Variants in NMNAT1 observed in about 807,000 individuals in gnomAD.
NMNAT1 encodes nicotinamide nucleotide adenylyltransferase 1.
A neutral mutation model predicts 16.7 loss-of-function variants in NMNAT1; 11 were observed. The observed-to-expected ratio is 0.66, with a 90% confidence interval of 0.41 to 1.09. NMNAT1 has a LOEUF of 1.09. Among genes scored for constraint, NMNAT1 ranks in the 50% least tolerant of loss-of-function variants. The probability of loss-of-function intolerance (pLI) is 0.00; values close to 1 mark genes in which losing one functional copy is unlikely to be tolerated. For synonymous variants in NMNAT1, 110 were observed against 119.8 expected, an observed-to-expected ratio of 0.92 and a Z score of 0.53; for missense variants, 280 against 332.3, an observed-to-expected ratio of 0.84 and a Z score of 1.22.
chr1:9,968,864 T>C (rs1570700497), intron 1 of NMNAT1, among the ~76,000 whole-genome samples: 1 of 140,900 alleles, frequency 7.1e-6, no homozygotes, highest in Admixed American at 7.5e-5. Context: ...TGCTTGAACC[T>C]GGAAGGCAGA....
chr1:9,963,629 G>A (rs755976688), intron 1 of NMNAT1, among the ~76,000 whole-genome samples: 6 of 151,500 alleles, frequency 4.0e-5, no homozygotes, highest in Admixed American at 1.3e-4. Flanking sequence ...GGCTGGTCTC[G>A]AACTTCTGAC....
chr1:9,979,336 C>T (rs1053503565), intron 3 of NMNAT1, among the ~76,000 whole-genome samples: 6 of 151,998 alleles, frequency 3.9e-5, no homozygotes, highest in South Asian at 2.1e-4. Flanking sequence ...CATGGTGGCA[C>T]GTGCCTGTAG....
chr1:9,955,398 T>C (rs1354011104), intron 1 of NMNAT1, among the ~76,000 whole-genome samples: 4 of 76,426 alleles, frequency 5.2e-5, no homozygotes, highest in African/African-American at 1.5e-4. Context: ...AGCGAGACTT[T>C]GTCTCAAAAA....
At position 9,982,635 on chromosome 1, in the gene NMNAT1, T is replaced by C; in HGVS notation, c.774T>C (p.Ser258=). 1 of 1,613,970 alleles carries C rather than the reference T, an allele frequency of 6.2e-7. No individual in the cohort carries two copies. Among genetic ancestry groups the C allele is most frequent in the Non-Finnish European group, 8.5e-7 (1 of 1,179,976 alleles). ...AGCATAATTTGTACAGCTCTGAGAGTGAAGACAGGAATGCTGGGGTCATCC... is the reference window on the plus strand; with the variant it reads ...AGCATAATTTGTACAGCTCTGAGAGCGAAGACAGGAATGCTGGGGTCATCC... ...IEKHNLYSSE[S]EDRNAGVILA... The change falls in exon 5 of 5, where the codon AGT becomes AGC. Residue 258 remains serine (S), a synonymous_variant. Transcript: ENST00000377205.
At chr1:9,979,595 T>C (rs959908162) in intron 3 of NMNAT1, among the ~76,000 whole-genome samples, 9 of 152,202 alleles carry the variant, frequency 5.9e-5, no homozygotes, top group African/African-American at 2.2e-4. Flanking sequence ...GGTCAGGAGA[T>C]CGAGACCATC....
intron 1 of NMNAT1, among the ~76,000 whole-genome samples, chr1:9,962,536 T>A (rs966832841): frequency 2.0e-5 from 3 of 151,612 alleles, no homozygotes; most frequent in African/African-American, 7.3e-5. Flanking sequence ...CCAGGCAATA[T>A]GCTAAGCCCC....
At chr1:9,961,812 C>T (rs1641415288) in intron 1 of NMNAT1, among the ~76,000 whole-genome samples, 1 of 152,020 alleles carries the variant, frequency 6.6e-6, no homozygotes, top group African/African-American at 2.4e-5. Context: ...GCTCTTGTTG[C>T]CCAGGTTGGA....
chr1:9,963,643 G>A (rs143495956), intron 1 of NMNAT1, among the ~76,000 whole-genome samples: 3,064 of 151,704 alleles, frequency 0.02, 121 homozygotes, highest in Admixed American at 0.094. Flanking sequence ...TTCTGACCTC[G>A]TGATCCGCCC....
rs1244114894 is a variant in NMNAT1 at position 9,982,534 on chromosome 1, A to G, written c.673A>G (p.Lys225Glu). The G allele has an allele frequency of 3.7e-6, 6 of 1,614,072 alleles. No homozygotes were observed. Among genetic ancestry groups the G allele is most frequent in the Non-Finnish European group, 5.1e-6 (6 of 1,180,058 alleles). Residue 225 changes from lysine (K) to glutamate (E), a missense_variant, in exon 5 of 5, where the codon AAA (lysine) becomes GAA (glutamate). Physicochemically the swap from Lys to Glu is moderately conservative, Grantham distance 56. Transcript: ENST00000377205. The part of the protein sequence containing the change: ...EWIANDISST[K>E]IRRALRRGQS... ...GATCGCTAATGACATCTCATCCACAAAAATCCGGAGAGCCCTCAGAAGGGG... is the reference window on the plus strand; with the variant it reads ...GATCGCTAATGACATCTCATCCACAGAAATCCGGAGAGCCCTCAGAAGGGG...
chr1:9,972,762 A>C (rs1641718007), intron 2 of NMNAT1, among the ~76,000 whole-genome samples: 1 of 152,162 alleles, frequency 6.6e-6, no homozygotes, highest in African/African-American at 2.4e-5. Context: ...GTTTGAGACC[A>C]ACCTGGGAAA....
Position 9,982,676 on chromosome 1 carries a change from G to A in NMNAT1, c.815G>A (p.Arg272Lys), listed in dbSNP as rs1641975271. The A allele has an allele frequency of 1.2e-6, 2 of 1,611,976 alleles. No homozygotes were observed. The highest frequency in any genetic ancestry group is 1.3e-5 in the African/African-American group (1 of 74,850). ...GGGGTCATCCTGGCCCCTTTGCAGAGAAACACTGCAGAAGCTAAGACATAG... is the reference window on the plus strand; with the variant it reads ...GGGGTCATCCTGGCCCCTTTGCAGAAAAACACTGCAGAAGCTAAGACATAG... ...NAGVILAPLQ[R>K]NTAEAKT Residue 272 changes from arginine to lysine, a missense_variant, in exon 5 of 5, where the codon AGA (arginine) becomes AAA (lysine). Transcript: ENST00000377205.
At chr1:9,991,582 CCAGT>C in the NMNAT1 span, among the ~76,000 whole-genome samples, 3 of 152,122 alleles carry the variant, frequency 2.0e-5, no homozygotes, top group African/African-American at 4.8e-5. Context: ...AAGGTCATAG[CCAGT>C]CAGTCAGTCA....
At chr1:9,968,655 C>T (rs1304724354) in intron 1 of NMNAT1, among the ~76,000 whole-genome samples, 1 of 149,498 alleles carries the variant, frequency 6.7e-6, no homozygotes, top group Admixed American at 6.8e-5. Context: ...CCTATAGTCC[C>T]AGCTACTCGG....
chr1:9,996,039 C>CAGTG, the NMNAT1 span, among the ~76,000 whole-genome samples: 1 of 150,790 alleles, frequency 6.6e-6, no homozygotes, highest in Non-Finnish European at 1.5e-5. Context: ...CTGCCGGGCG[C>CAGTG]AGTGGCTCAG....
intron 1 of NMNAT1, among the ~76,000 whole-genome samples, chr1:9,954,376 ACTT>A (rs145933809): frequency 0.016 from 2,414 of 151,506 alleles, 59 homozygotes; most frequent in African/African-American, 0.054. Flanking sequence ...TGCCCAGCTA[ACTT>A]CTTCTATTTT....
chr1:9,995,862 C>T, the NMNAT1 span, among the ~76,000 whole-genome samples: 3,411 of 150,778 alleles, frequency 0.023, 44 homozygotes, highest in Non-Finnish European at 0.027. Context: ...CCCCCATCTC[C>T]ACTAAAAATA....
At chr1:9,970,652 G>A (rs1395440861) in intron 1 of NMNAT1, among the ~76,000 whole-genome samples, 2 of 150,500 alleles carry the variant, frequency 1.3e-5, no homozygotes. Flanking sequence ...TCGCGCCAAT[G>A]CACTCCAGCC....
downstream of NMNAT1, among the ~76,000 whole-genome samples, chr1:9,989,119 T>G (rs12140058): frequency 0.64 from 96,685 of 151,890 alleles, 36,297 homozygotes; most frequent in Non-Finnish European, 0.84. Context: ...CTCTTGAAAG[T>G]TGCCTTTTCC....
At chr1:9,968,304 C>T (rs1641605440) in intron 1 of NMNAT1, among the ~76,000 whole-genome samples, 1 of 151,328 alleles carries the variant, frequency 6.6e-6, no homozygotes, top group Non-Finnish European at 1.5e-5. Flanking sequence ...GATCTCCTGA[C>T]CTCGTGATCT....
Sources: allele counts gnomAD v4.1 joint callset (sites outside exome capture counted in the v4.1 genomes callset), GRCh38; gene constraint gnomAD v4.1.1; transcripts MANE v1.5; gene names NCBI Gene and HGNC (gene_info 2026-07-23, HGNC 2026-07-21).